The following CDC42SE2 variants were observed in gnomAD, a reference collection of about 807,000 sequenced individuals.
The protein encoded by CDC42SE2 is CDC42 small effector 2.
Under a neutral mutation model 11.5 loss-of-function variants are expected in CDC42SE2, and 3 were observed. That is an observed-to-expected ratio of 0.26 (90% CI 0.12 to 0.67). The LOEUF (loss-of-function observed/expected upper bound fraction) is 0.67. Ranked by LOEUF, CDC42SE2 falls within the 30% of genes least tolerant of loss-of-function variation. The pLI is 0.80. For missense variants in CDC42SE2, 82 were observed against 106.8 expected (o/e 0.77, Z 1.02); for synonymous variants, 33 against 34.8 (o/e 0.95, Z 0.18).
At chr5:131,259,128 ATCACAAT>A (rs142028828), upstream of CDC42SE2, among the ~76,000 whole-genome samples, 5,199 of 152,248 alleles carry the variant, frequency 0.034, 299 homozygotes, top group African/African-American at 0.12. Context: ...ATCTTCCCAA[ATCACAAT>A]TCATGTGCCA....
chr5:131,227,845 G>A, the CDC42SE2 span, among the ~76,000 whole-genome samples: 1 of 152,218 alleles, frequency 6.6e-6, no homozygotes, highest in African/African-American at 2.4e-5. Context: ...AGGAGTTTGA[G>A]ACCTGCCTGG....
chr5:131,342,203 TG>T (rs1256491607), intron 2 of CDC42SE2, among the ~76,000 whole-genome samples: 3 of 139,090 alleles, frequency 2.2e-5, no homozygotes, highest in Non-Finnish European at 4.7e-5. Flanking sequence ...TCACTTGAAC[TG>T]GGGGGGTGGA....
intron 2 of CDC42SE2, among the ~76,000 whole-genome samples, chr5:131,346,847 A>T (rs548558693): frequency 1.1e-3 from 166 of 152,302 alleles, no homozygotes; most frequent in African/African-American, 3.2e-3. Flanking sequence ...GGATTAAGAA[A>T]CTCACTCAAA....
intron 1 of CDC42SE2, among the ~76,000 whole-genome samples, chr5:131,290,882 A>C (rs997766895): frequency 3.9e-5 from 6 of 152,182 alleles, no homozygotes; most frequent in African/African-American, 1.4e-4. Flanking sequence ...AAAATATAAA[A>C]ATTAGAAAAA....
At chr5:131,309,240 G>T (rs1164153536) in intron 1 of CDC42SE2, among the ~76,000 whole-genome samples, 3 of 151,552 alleles carry the variant, frequency 2.0e-5, no homozygotes, top group African/African-American at 4.8e-5. Context: ...TTATATGCTG[G>T]ATTACATTTA....
At chr5:131,335,676 G>A (rs1758540930) in intron 2 of CDC42SE2, among the ~76,000 whole-genome samples, 1 of 152,168 alleles carries the variant, frequency 6.6e-6, no homozygotes, top group Non-Finnish European at 1.5e-5. Flanking sequence ...CATGTATTTA[G>A]GATAGTTAGC....
At chr5:131,372,663 A>G (rs1360440119) in intron 3 of CDC42SE2, among the ~76,000 whole-genome samples, 2 of 151,930 alleles carry the variant, frequency 1.3e-5, no homozygotes, top group Non-Finnish European at 2.9e-5. Context: ...CAGTGAGCCG[A>G]GATCACGCCA....
intron 2 of CDC42SE2, among the ~76,000 whole-genome samples, chr5:131,348,789 C>G (rs1038361725): frequency 3.3e-5 from 5 of 152,116 alleles, no homozygotes; most frequent in African/African-American, 1.2e-4. Context: ...GGTACCAAAA[C>G]AAAGATATAG....
At chr5:131,347,629 A>G (rs766866434) in intron 2 of CDC42SE2, among the ~76,000 whole-genome samples, 1 of 152,202 alleles carries the variant, frequency 6.6e-6, no homozygotes, top group Non-Finnish European at 1.5e-5. Context: ...AAAAGAGGGA[A>G]TCTTCCCCAA....
Position 131,361,686 on chromosome 5 carries a change from G to A in CDC42SE2, c.54+2139G>A, listed in dbSNP as rs554820423. 1.8e-4 allele frequency among the ~76,000 whole-genome samples: 28 copies of A among 152,276 alleles called. No individual in the cohort carries two copies. In the South Asian group the frequency reaches 2.5e-3, roughly 14 times the overall value. ...GAATTGGATCACACGTGGGCTTGGA[G>A]AAGGAGTGCAAAGTTTTATTGAGTG... is the stretch of plus-strand genomic sequence containing the variant. On this transcript the variant is annotated intron_variant, in intron 3 of 4. Coordinates refer to ENST00000505065, the MANE Select transcript of CDC42SE2 (RefSeq NM_001375635.1).
chr5:131,237,161 G>A, the CDC42SE2 span, among the ~76,000 whole-genome samples: 2 of 152,074 alleles, frequency 1.3e-5, no homozygotes, highest in Non-Finnish European at 2.9e-5. Flanking sequence ...GATCATCATT[G>A]TTTTTTGCAT....
At chr5:131,331,432 G>C (rs1758417641) in intron 2 of CDC42SE2, among the ~76,000 whole-genome samples, 1 of 152,086 alleles carries the variant, frequency 6.6e-6, no homozygotes, top group African/African-American at 2.4e-5. Flanking sequence ...AAAGAATAGA[G>C]AGAAAATGCT....
At chr5:131,353,075 C>T (rs950511073) in intron 2 of CDC42SE2, among the ~76,000 whole-genome samples, 1 of 152,098 alleles carries the variant, frequency 6.6e-6, no homozygotes, top group Admixed American at 6.6e-5. Context: ...TAGTGATCCT[C>T]CAAACTCAGC....
At chr5:131,268,176 C>G (rs986141064) in intron 1 of CDC42SE2, among the ~76,000 whole-genome samples, 8 of 148,414 alleles carry the variant, frequency 5.4e-5, no homozygotes, top group African/African-American at 1.7e-4. Context: ...GATTCTCCTG[C>G]CTCAGCCTCC....
the CDC42SE2 span, among the ~76,000 whole-genome samples, chr5:131,227,948 G>A: frequency 5.3e-5 from 8 of 152,238 alleles, no homozygotes; most frequent in African/African-American, 1.7e-4. Context: ...AGCACTTTGG[G>A]AGGCCAAGGC....
At chr5:131,342,879 A>G (rs1162286124) in intron 2 of CDC42SE2, among the ~76,000 whole-genome samples, 1 of 150,224 alleles carries the variant, frequency 6.7e-6, no homozygotes, top group Admixed American at 6.6e-5. Context: ...CACCTGGCGA[A>G]TGTTTGTATT....
chr5:131,346,157 T>A (rs1031860768), intron 2 of CDC42SE2, among the ~76,000 whole-genome samples: 2 of 152,130 alleles, frequency 1.3e-5, no homozygotes, highest in Non-Finnish European at 2.9e-5. Flanking sequence ...TAAAAATGTT[T>A]ACCTTAAATG....
chr5:131,260,817 C>G (rs1398797537), upstream of CDC42SE2, among the ~76,000 whole-genome samples: 1 of 151,866 alleles, frequency 6.6e-6, no homozygotes, highest in African/African-American at 2.4e-5. Context: ...GCCTGTAATC[C>G]CACCTACTTG....
At chr5:131,323,339 T>G (rs1385630084) in intron 2 of CDC42SE2, among the ~76,000 whole-genome samples, 3 of 151,938 alleles carry the variant, frequency 2.0e-5, no homozygotes, top group African/African-American at 4.8e-5. Context: ...TCTATATTTT[T>G]AACAAGTATT....
Sources: allele counts gnomAD v4.1 joint callset (sites outside exome capture counted in the v4.1 genomes callset), GRCh38; gene constraint gnomAD v4.1.1; transcripts MANE v1.5; gene names NCBI Gene and HGNC (gene_info 2026-07-23, HGNC 2026-07-21).